PRH1: variants seen among roughly 807,000 people sequenced by gnomAD.
The protein encoded by PRH1 is proline rich protein HaeIII subfamily 1.
A neutral mutation model predicts 7.9 loss-of-function variants in PRH1; 7 were observed. That is an observed-to-expected ratio of 0.89 (90% CI 0.50 to 1.67). PRH1 has a LOEUF of 1.67. Ranked by LOEUF, PRH1 falls within the 40% of genes most tolerant of loss-of-function variation. The pLI is 0.00. For missense variants in PRH1, 109 were observed against 223.6 expected (o/e 0.49, Z 3.27); for synonymous variants, 45 against 80.8 (o/e 0.56, Z 2.38).
At chr12:11,140,880 T>G (rs1171197067) in intron 1 of PRH1, among the ~76,000 whole-genome samples, 2 of 151,972 alleles carry the variant, frequency 1.3e-5, no homozygotes, top group Middle Eastern at 3.2e-3. Flanking sequence ...CCAAAGTAGA[T>G]TTATTTTTTT....
At chr12:11,123,647 T>C (rs1945994541) in intron 1 of PRH1, among the ~76,000 whole-genome samples, 1 of 152,148 alleles carries the variant, frequency 6.6e-6, no homozygotes, top group African/African-American at 2.4e-5. Flanking sequence ...CCTCTAATCT[T>C]ACAGAACTCC....
In PRH1 at chr12:10,896,081, G is replaced by A. The variant is rs1949640817; in HGVS notation, c.-58-11806C>T. Among the ~76,000 whole-genome samples, 5 of 152,138 alleles carry A rather than the reference G, an allele frequency of 3.3e-5. No individual in the cohort carries two copies. The South Asian group carries it at 1.0e-3, about 31-fold the overall frequency. On this transcript the variant is annotated intron_variant, in intron 2 of 3. Coordinates refer to the PRH1 transcript ENST00000539853. ...AAATATACAAGTTTTTTTCCCTTGA[G>A]GGTATCAGCTAGTGATTTTCAAGGC...
At chr12:10,905,932 T>TA (rs1415536216) in intron 2 of PRH1, among the ~76,000 whole-genome samples, 1 of 152,166 alleles carries the variant, frequency 6.6e-6, no homozygotes, top group Non-Finnish European at 1.5e-5. Context: ...CCTTAACTAT[T>TA]ATAGTGTTTT....
intron 1 of PRH1, among the ~76,000 whole-genome samples, chr12:11,087,942 T>C (rs1445319185): frequency 8.6e-6 from 1 of 116,804 alleles, no homozygotes; most frequent in Non-Finnish European, 2.0e-5. Flanking sequence ...ATTTGCCTCG[T>C]TTTATAATAA....
chr12:10,951,939 C>T (rs1937692245), intron 2 of PRH1, among the ~76,000 whole-genome samples: 1 of 152,140 alleles, frequency 6.6e-6, no homozygotes, highest in Admixed American at 6.5e-5. Flanking sequence ...TGGAGTCAGA[C>T]TGCCAGGAAA....
upstream of PRH1, among the ~76,000 whole-genome samples, chr12:10,889,015 T>C (rs1041788601): frequency 5.3e-5 from 8 of 152,250 alleles, no homozygotes; most frequent in East Asian, 1.5e-3. Context: ...TCTTCAATGC[T>C]AGCAATGGCT....
At position 10,997,847 on chromosome 12, in the gene PRH1, G is replaced by GA. The variant is rs748194853; in HGVS notation, c.-125-24127dup. On this transcript the variant is annotated intron_variant, in intron 1 of 3. Coordinates refer to the PRH1 transcript ENST00000539853. ...AATAAATGCAACCACTACTAGAATGGAAAAAACAATGTGTAGAAAACTCAT... is the reference window on the plus strand; with the variant it reads ...AATAAATGCAACCACTACTAGAATGGAAAAAAACAATGTGTAGAAAACTCAT... The GA allele has an allele frequency of 4.6e-5, 74 of 1,597,766 alleles. No homozygotes were observed. In the African/African-American group the frequency reaches 8.2e-4, roughly 18 times the overall value.
intron 1 of PRH1, among the ~76,000 whole-genome samples, chr12:11,012,859 C>G (rs1941126847): frequency 6.6e-6 from 1 of 152,072 alleles, no homozygotes; most frequent in African/African-American, 2.4e-5. Context: ...TAGCTGAGAA[C>G]TTCCATTTTT....
chr12:11,038,576 T>C (rs574189304), intron 1 of PRH1, among the ~76,000 whole-genome samples: 7 of 152,384 alleles, frequency 4.6e-5, no homozygotes, highest in African/African-American at 1.4e-4. Flanking sequence ...AATTTGTTCA[T>C]TTTCTCTGTT....
At chr12:10,906,326 A>T (rs1451311006) in intron 2 of PRH1, among the ~76,000 whole-genome samples, 1 of 152,228 alleles carries the variant, frequency 6.6e-6, no homozygotes, top group Non-Finnish European at 1.5e-5. Flanking sequence ...AAAGCAAAAA[A>T]AGTTAAAAAT....
Position 11,151,505 on chromosome 12 carries a change from C to T in PRH1, n.39+19917G>A, listed in dbSNP as rs191385354. Among the ~76,000 whole-genome samples, 29 of 152,242 alleles carry T rather than the reference C, an allele frequency of 1.9e-4. 1 individual carries two copies. In the South Asian group the frequency reaches 2.7e-3, roughly 14 times the overall value. ...TTCACAGTCTCCTTTTAAACACATA[C>T]GAAGAAATCAACTGTGATTATGAAG... is the stretch of plus-strand genomic sequence containing the variant. On this transcript the variant is annotated intron_variant and non_coding_transcript_variant, in intron 1 of 1. Transcript: ENST00000541175.
intron 1 of PRH1, among the ~76,000 whole-genome samples, chr12:11,094,172 T>C (rs1592002895): frequency 9.0e-6 from 1 of 111,144 alleles, no homozygotes; most frequent in Admixed American, 9.2e-5. Flanking sequence ...CATGGTGGTG[T>C]GGGCCTGTAG....
intron 1 of PRH1, among the ~76,000 whole-genome samples, chr12:11,059,350 C>T (rs1411823448): frequency 2.0e-5 from 3 of 152,212 alleles, no homozygotes; most frequent in Admixed American, 6.5e-5. Flanking sequence ...GTTCCTGTCT[C>T]AATTTCCACA....
intron 2 of PRH1, among the ~76,000 whole-genome samples, chr12:10,923,635 C>G (rs771561713): frequency 6.6e-5 from 10 of 152,142 alleles, no homozygotes; most frequent in Admixed American, 4.6e-4. Flanking sequence ...CACAAATTGT[C>G]CAAGGGAATA....
In PRH1 at chr12:11,007,792, C is replaced by G. The variant is rs182717259; in HGVS notation, c.-125-34071G>C. Among the ~76,000 whole-genome samples the G allele has an allele frequency of 9.9e-5, 15 of 152,132 alleles. No individual in the cohort carries two copies. In the East Asian group the frequency reaches 2.5e-3, roughly 26 times the overall value. ...CCCAGAAGCAGAATGAGAATGAGAT[C>G]ACCCCCTCCAGATGTAGCCTAAATT... On this transcript the variant is annotated intron_variant, in intron 1 of 3. Transcript: ENST00000539853.
At chr12:11,140,370 GAATGGTAGTA>G (rs1164666436) in intron 1 of PRH1, among the ~76,000 whole-genome samples, 2 of 152,098 alleles carry the variant, frequency 1.3e-5, no homozygotes, top group Non-Finnish European at 2.9e-5. Flanking sequence ...TTGAAAAAAT[GAATGGTAGTA>G]AATTTATCAT....
intron 2 of PRH1, among the ~76,000 whole-genome samples, chr12:10,957,575 A>T (rs1215922051): frequency 6.6e-6 from 1 of 152,244 alleles, no homozygotes; most frequent in East Asian, 1.9e-4. Flanking sequence ...GTGGAACCTC[A>T]TTAAACTGAA....
At chr12:11,133,661 A>C in intron 1 of PRH1, 1 of 1,614,278 alleles carries the variant, frequency 6.2e-7, no homozygotes, top group Middle Eastern at 1.6e-4. Flanking sequence ...TAACAGCAGA[A>C]AAGATATCAG....
intron 2 of PRH1, among the ~76,000 whole-genome samples, chr12:10,939,510 A>C (rs1950357107): frequency 6.6e-6 from 1 of 151,704 alleles, no homozygotes; most frequent in Non-Finnish European, 1.5e-5. Context: ...CTCATTTGTA[A>C]ACATGCAAAT....
Sources: allele counts gnomAD v4.1 joint callset (sites outside exome capture counted in the v4.1 genomes callset), GRCh38; gene constraint gnomAD v4.1.1; transcripts MANE v1.5; gene names NCBI Gene and HGNC (gene_info 2026-07-23, HGNC 2026-07-21).